ST6GALNAC3: variants seen among roughly 807,000 people sequenced by gnomAD.
ST6GALNAC3 encodes ST6 N-acetylgalactosaminide alpha-2,6-sialyltransferase 3, also known as alpha-N-acetylgalactosaminide alpha-2,6-sialyltransferase 3.
In ST6GALNAC3, 25 loss-of-function variants were observed where a neutral mutation model predicts 32.7. The ratio of observed to expected loss-of-function variants is 0.76; its 90% CI spans 0.56 to 1.07. The LOEUF (loss-of-function observed/expected upper bound fraction) is 1.07. Among genes scored for constraint, ST6GALNAC3 ranks in the 50% least tolerant of loss-of-function variants. ST6GALNAC3 has a pLI of 0.00. For missense variants in ST6GALNAC3, 355 were observed against 382.4 expected (o/e 0.93, Z 0.60); for synonymous variants, 129 against 133.1 (o/e 0.97, Z 0.21).
In ST6GALNAC3 at chr1:76,357,284, A is replaced by G. The variant is rs1312169635; in HGVS notation, c.213+43285A>G. 4.6e-5 allele frequency among the ~76,000 whole-genome samples: 7 copies of G among 151,920 alleles called. No homozygotes were observed. In the East Asian group the frequency reaches 1.4e-3, roughly 29 times the overall value. On this transcript the variant is annotated intron_variant, in intron 2 of 4. Transcript: ENST00000328299. The stretch of plus-strand genomic sequence containing the variant: ...CAAGTATCTGGATTTACAGGCATAC[A>G]CCACCATGCCCAGCTACTTTTTTGT...
chr1:76,458,336 A>G (rs1207617543), intron 3 of ST6GALNAC3, among the ~76,000 whole-genome samples: 1 of 72,746 alleles, frequency 1.4e-5, no homozygotes, highest in East Asian at 3.0e-4. Context: ...GCGATTCCTC[A>G]GGGATCTAGA....
chr1:76,527,646 C>G (rs1662996448), intron 3 of ST6GALNAC3, among the ~76,000 whole-genome samples: 1 of 152,002 alleles, frequency 6.6e-6, no homozygotes, highest in Non-Finnish European at 1.5e-5. Context: ...CATGGATTAT[C>G]TTTGTATCTG....
intron 2 of ST6GALNAC3, among the ~76,000 whole-genome samples, chr1:76,371,144 T>G (rs1650780555): frequency 6.6e-6 from 1 of 152,312 alleles, no homozygotes; most frequent in South Asian, 2.1e-4. Context: ...AGAATTTTTA[T>G]TAAATATTTA....
At chr1:76,192,809 C>G (rs923245) in intron 1 of ST6GALNAC3, among the ~76,000 whole-genome samples, 1 of 152,018 alleles carries the variant, frequency 6.6e-6, no homozygotes, top group African/African-American at 2.4e-5. Context: ...CTTGTTCTCA[C>G]CCACTGGTCT....
At chr1:76,635,581 C>T (rs1393590934), downstream of ST6GALNAC3, among the ~76,000 whole-genome samples, 1 of 152,162 alleles carries the variant, frequency 6.6e-6, no homozygotes, top group Non-Finnish European at 1.5e-5. Context: ...CCATACCTAT[C>T]TGGGGAAGGC....
intron 1 of ST6GALNAC3, among the ~76,000 whole-genome samples, chr1:76,288,960 C>T (rs765900136): frequency 1.3e-5 from 2 of 152,118 alleles, no homozygotes; most frequent in African/African-American, 2.4e-5. Flanking sequence ...GTGTATGTCA[C>T]GTAGAACCAC....
At chr1:76,542,024 A>G (rs1392116379) in intron 3 of ST6GALNAC3, among the ~76,000 whole-genome samples, 5 of 152,206 alleles carry the variant, frequency 3.3e-5, no homozygotes, top group African/African-American at 1.2e-4. Flanking sequence ...GTTTACTATT[A>G]CAATCACAGA....
chr1:76,325,008 G>A (rs1331638109), intron 2 of ST6GALNAC3, among the ~76,000 whole-genome samples: 1 of 152,058 alleles, frequency 6.6e-6, no homozygotes, highest in African/African-American at 2.4e-5. Context: ...ATGTATACAT[G>A]TGCCAAACAC....
chr1:76,165,528 A>G (rs1482890062), intron 1 of ST6GALNAC3, among the ~76,000 whole-genome samples: 1 of 152,198 alleles, frequency 6.6e-6, no homozygotes, highest in Non-Finnish European at 1.5e-5. Context: ...TTATTTGGAT[A>G]TATACCCAGT....
At chr1:76,431,651 T>C (rs545775921) in intron 3 of ST6GALNAC3, among the ~76,000 whole-genome samples, 2 of 152,296 alleles carry the variant, frequency 1.3e-5, no homozygotes, top group East Asian at 3.9e-4. Context: ...AAATGGAACA[T>C]GGGAATAGAA....
chr1:76,482,139 T>C (rs974756003), intron 3 of ST6GALNAC3, among the ~76,000 whole-genome samples: 4 of 147,128 alleles, frequency 2.7e-5, no homozygotes, highest in East Asian at 4.0e-4. Context: ...AAATTTTCTT[T>C]ACACACACAC....
chr1:76,131,149 C>T (rs551360681), intron 1 of ST6GALNAC3, among the ~76,000 whole-genome samples: 12 of 152,318 alleles, frequency 7.9e-5, no homozygotes, highest in African/African-American at 9.6e-5. Context: ...TAACCTTCTC[C>T]GTAATACTCT....
chr1:76,245,042 C>G (rs555056837), intron 1 of ST6GALNAC3, among the ~76,000 whole-genome samples: 8 of 152,076 alleles, frequency 5.3e-5, no homozygotes, highest in African/African-American at 1.9e-4. Flanking sequence ...GATAGAATTC[C>G]TCTGTGGATC....
chr1:76,335,219 C>T (rs994888666), intron 2 of ST6GALNAC3, among the ~76,000 whole-genome samples: 3 of 152,266 alleles, frequency 2.0e-5, no homozygotes, highest in Middle Eastern at 3.4e-3. Context: ...GCTTGCTGAG[C>T]TCCTTCATAC....
chr1:76,467,030 A>G (rs1350675326), intron 3 of ST6GALNAC3, among the ~76,000 whole-genome samples: 8 of 152,086 alleles, frequency 5.3e-5, no homozygotes, highest in Admixed American at 5.3e-4. Flanking sequence ...TAGTTGTTCA[A>G]GTATGAATCT....
At chr1:76,560,604 A>C (rs982694605) in intron 3 of ST6GALNAC3, among the ~76,000 whole-genome samples, 5 of 152,248 alleles carry the variant, frequency 3.3e-5, no homozygotes, top group Non-Finnish European at 7.3e-5. Flanking sequence ...GCTGATCATC[A>C]GAAAAGTGAA....
chr1:76,635,171 C>G (rs1649474412), downstream of ST6GALNAC3, among the ~76,000 whole-genome samples: 1 of 152,116 alleles, frequency 6.6e-6, no homozygotes, highest in African/African-American at 2.4e-5. Context: ...AAGAAGTCTT[C>G]CTTCTTTCCT....
intron 1 of ST6GALNAC3, among the ~76,000 whole-genome samples, chr1:76,304,390 C>T (rs1355064864): frequency 6.6e-6 from 1 of 151,720 alleles, no homozygotes; most frequent in African/African-American, 2.4e-5. Context: ...CCATCCACCC[C>T]ATCCCACCCC....
At chr1:76,416,077 A>T (rs1177451702) in intron 3 of ST6GALNAC3, among the ~76,000 whole-genome samples, 1 of 143,046 alleles carries the variant, frequency 7.0e-6, no homozygotes, top group Non-Finnish European at 1.6e-5. Context: ...ACACACACAT[A>T]ATCTTAGAAT....
Sources: allele counts gnomAD v4.1 joint callset (sites outside exome capture counted in the v4.1 genomes callset), GRCh38; gene constraint gnomAD v4.1.1; transcripts MANE v1.5; gene names NCBI Gene and HGNC (gene_info 2026-07-23, HGNC 2026-07-21).